The following MTCL1 variants were observed in gnomAD, a reference collection of about 807,000 sequenced individuals.
The protein encoded by MTCL1 is microtubule crosslinking factor 1, also known as microtubule cross-linking factor 1.
In MTCL1, 79 loss-of-function variants were observed where a neutral mutation model predicts 141.4. The observed-to-expected ratio is 0.56, with a 90% CI of 0.47 to 0.67. The LOEUF is 0.67. Ranked by LOEUF, MTCL1 falls within the 30% of genes least tolerant of loss-of-function variation. The pLI is 0.00. For missense variants in MTCL1, 2,177 were observed against 2,113.9 expected, an observed-to-expected ratio of 1.03 and a Z score of -0.59; for synonymous variants, 914 against 875.8, an observed-to-expected ratio of 1.04 and a Z score of -0.77.
At position 8,806,866 on chromosome 18, in the gene MTCL1, G is replaced by T. The variant is rs761334702; in HGVS notation, c.2437-27G>T. On this transcript the variant is annotated intron_variant, in intron 10 of 16. Transcript: ENST00000359865. ...CTAAAAAATACGCTTAAAGGAGGTG[G>T]TGGAGCCTGACTCAGTGTTCCCGCA... The T allele has an allele frequency of 5.6e-6, 9 of 1,608,040 alleles. No individual in the cohort carries two copies. The South Asian group carries it at 6.6e-5, about 12-fold the overall frequency.
At chr18:8,709,047 C>G (rs1437843536) in intron 1 of MTCL1, among the ~76,000 whole-genome samples, 1 of 152,212 alleles carries the variant, frequency 6.6e-6, no homozygotes, top group African/African-American at 2.4e-5. Context: ...GTCGTGGAGC[C>G]TGCCCACATG....
rs2076877587 is a variant in MTCL1, at chr18:8,822,466, C to T, written c.3188+968C>T. On this transcript the variant is annotated intron_variant, in intron 14 of 16. Transcript: ENST00000359865. This position sits in a 1 kb window ranked among gnomAD's most constrained non-coding sequence, Gnocchi z 4.6. The stretch of plus-strand genomic sequence containing the variant: ...CCCACCATACCCGGCTAATTTTTGT[C>T]TTTTAATAGAAACAGAGTTTCGCCA... Among the ~76,000 whole-genome samples, 1 of 152,156 alleles carries T rather than the reference C, an allele frequency of 6.6e-6. No individual in the cohort carries two copies. The highest frequency in any genetic ancestry group is 1.5e-5 in the Non-Finnish European group (1 of 68,020).
intron 7 of MTCL1, 117 bp downstream of exon 6, chr18:8,786,208 G>A (rs1273871124): frequency 1.7e-6 from 2 of 1,149,880 alleles, no homozygotes; most frequent in Non-Finnish European, 1.3e-6. Context: ...AGGAGGAGGT[G>A]GAACTAGGTG....
intron 12 of MTCL1, among the ~76,000 whole-genome samples, chr18:8,817,694 G>A (rs1225142378): frequency 2.0e-5 from 3 of 152,254 alleles, no homozygotes; most frequent in East Asian, 1.9e-4. Flanking sequence ...TTCCTGGAAC[G>A]GTCTCAGCAC....
exon 3 of MTCL1, chr18:8,718,518 T>C (rs770221546): frequency 6.2e-7 from 1 of 1,614,200 alleles, no homozygotes; most frequent in Admixed American, 1.7e-5. Context: ...CGGCGAGAAC[T>C]GGACCGCGCT....
intron 4 of MTCL1, among the ~76,000 whole-genome samples, chr18:8,723,492 G>A (rs187329669): frequency 1.2e-3 from 187 of 152,286 alleles, no homozygotes; most frequent in Non-Finnish European, 2.1e-3. Context: ...AGCAGTTGTC[G>A]CAGGTGTGTG....
At chr18:8,749,631 G>T (rs2096360097) in intron 4 of MTCL1, among the ~76,000 whole-genome samples, 1 of 152,226 alleles carries the variant, frequency 6.6e-6, no homozygotes, top group Admixed American at 6.5e-5. Context: ...ATCCAATGGT[G>T]GGCCCGAGAG....
intron 4 of MTCL1, among the ~76,000 whole-genome samples, chr18:8,768,046 G>T (rs527884895): frequency 6.6e-6 from 1 of 152,160 alleles, no homozygotes; most frequent in Non-Finnish European, 1.5e-5. Context: ...TTAACTTTTA[G>T]TGCAAATGAA....
chr18:8,807,552 C>T (rs1267635811), intron 11 of MTCL1, among the ~76,000 whole-genome samples: 1 of 152,196 alleles, frequency 6.6e-6, no homozygotes, highest in African/African-American at 2.4e-5. Context: ...TCAAAGGAAA[C>T]TGAGGCCCAG....
chr18:8,767,366 A>T (rs181590670), intron 4 of MTCL1, among the ~76,000 whole-genome samples: 7 of 152,292 alleles, frequency 4.6e-5, no homozygotes, highest in African/African-American at 1.7e-4. Context: ...GATAGCAAGG[A>T]TCCTAGGCAG....
chr18:8,754,411 T>G (rs993565459), intron 4 of MTCL1, among the ~76,000 whole-genome samples: 1 of 152,190 alleles, frequency 6.6e-6, no homozygotes, highest in African/African-American at 2.4e-5. Flanking sequence ...AATAACCCCA[T>G]GTGTATAAGT....
In MTCL1 at chr18:8,830,640, C is replaced by T. The variant is rs183655676; in HGVS notation, c.*19-967C>T. On this transcript the variant is annotated intron_variant, in intron 16 of 16. Transcript: ENST00000359865. The surrounding 1 kb of genome is among the most constrained non-coding windows in gnomAD (Gnocchi z 6.4). ...CTTCCTTTCTTTGAGGGTCCTTGTT[C>T]TCTGTCATCCTTCCTGTGCCTTCCA... 1.4e-5 allele frequency: 14 copies of T among 985,700 alleles called. No homozygotes were observed. The Admixed American group carries it at 8.0e-4, about 56-fold the overall frequency. 61.1% of individuals were successfully genotyped at this position (985,700 alleles called of 1,614,324 possible).
At chr18:8,745,397 C>T (rs1387571446) in intron 4 of MTCL1, among the ~76,000 whole-genome samples, 1 of 152,170 alleles carries the variant, frequency 6.6e-6, no homozygotes, top group Admixed American at 6.5e-5. Flanking sequence ...CGCACTGTAG[C>T]CATCCGTCTG....
chr18:8,786,283 G>A (rs114325326), intron 7 of MTCL1, 192 bp downstream of exon 6: 514 of 731,086 alleles, frequency 7.0e-4, no homozygotes, highest in African/African-American at 4.4e-3. Flanking sequence ...AGGTGCCTGC[G>A]GTGAACTGCT....
At chr18:8,829,835 T>C in intron 16 of MTCL1, 1 of 985,272 alleles carries the variant, frequency 1.0e-6, no homozygotes, top group South Asian at 4.7e-5. Flanking sequence ...CAGCATCGTT[T>C]GCTTGTACAT....
chr18:8,730,572 T>G (rs530727572), intron 4 of MTCL1, among the ~76,000 whole-genome samples: 1 of 152,368 alleles, frequency 6.6e-6, no homozygotes, highest in East Asian at 1.9e-4. Context: ...AAGCCGCTTC[T>G]GTTCATCAAC....
In MTCL1 at chr18:8,830,327, C is replaced by A; in HGVS notation, c.*19-1280C>A. 1 of 985,526 alleles carries A rather than the reference C, an allele frequency of 1.0e-6. No homozygotes were observed. The highest frequency in any genetic ancestry group is 1.2e-6 in the Non-Finnish European group (1 of 830,020). The allele number at this position is 985,526 out of a possible 1,614,324, so 61.0% of individuals were successfully genotyped here. A position where few individuals can be genotyped will look rare whatever the true frequency, so the allele number is the denominator to read the frequency against. On this transcript the variant is annotated intron_variant, in intron 16 of 16. Coordinates refer to ENST00000359865, the Ensembl canonical transcript of MTCL1. This position sits in a 1 kb window ranked among gnomAD's most constrained non-coding sequence, Gnocchi z 6.4. ...CCGTATGAAGTTCCAGCCACAAAAGCAGCAGGGAGCATGAAGCATAGTCTC... is the reference window on the plus strand; with the variant it reads ...CCGTATGAAGTTCCAGCCACAAAAGAAGCAGGGAGCATGAAGCATAGTCTC...
intron 12 of MTCL1, among the ~76,000 whole-genome samples, chr18:8,817,478 A>G (rs537380196): frequency 3.7e-4 from 57 of 152,090 alleles, no homozygotes; most frequent in Non-Finnish European, 5.3e-4. Context: ...GTAAAGATAA[A>G]TCTCTGTTCT....
intron 4 of MTCL1, among the ~76,000 whole-genome samples, chr18:8,734,635 C>T (rs183575509): frequency 1.3e-5 from 2 of 152,272 alleles, no homozygotes; most frequent in Non-Finnish European, 2.9e-5. Flanking sequence ...GGCGGCAGTG[C>T]CAGGAGCAGG....
Sources: allele counts gnomAD v4.1 joint callset (sites outside exome capture counted in the v4.1 genomes callset), GRCh38; gene constraint gnomAD v4.1.1; non-coding constraint Gnocchi (gnomAD v3.1); transcripts MANE v1.5; gene names NCBI Gene and HGNC (gene_info 2026-07-23, HGNC 2026-07-21).